The following B4GALNT2 variants were observed in gnomAD, a reference collection of about 807,000 sequenced individuals.
The protein encoded by B4GALNT2 is beta-1,4-N-acetyl-galactosaminyltransferase 2 (SID blood group), also known as N-acetylneuraminylgalactosylglucosyl-glucoside beta-1,4-N- acetylgalactosaminyltransferase 2.
Under a neutral mutation model 51.1 loss-of-function variants are expected in B4GALNT2, and 42 were observed. That is an observed-to-expected ratio of 0.82 (90% CI 0.64 to 1.06). The LOEUF is 1.06. Among genes scored for constraint, B4GALNT2 ranks in the 50% least tolerant of loss-of-function variants. The pLI is 0.00. For missense variants in B4GALNT2, 602 were observed against 633.6 expected (o/e 0.95, Z 0.54); for synonymous variants, 253 against 251.7 (o/e 1.01, Z -0.05).
rs945300715 is a variant in B4GALNT2 at position 49,146,601 on chromosome 17, A to G, written c.353+4429A>G. On this transcript the variant is annotated intron_variant, in intron 3 of 10. Transcript: ENST00000393354. Reference sequence around the variant, plus strand: ...GCTGGGATTACAGGCGTGAGCCACCATGCCTGGCCCAACACTGTCTTTTCT... The same window carrying G: ...GCTGGGATTACAGGCGTGAGCCACCGTGCCTGGCCCAACACTGTCTTTTCT... Among the ~76,000 whole-genome samples the G allele has an allele frequency of 8.5e-5, 13 of 152,268 alleles. No individual in the cohort carries two copies. In the South Asian group the frequency reaches 2.1e-3, roughly 24 times the overall value.
At chr17:49,131,984 A>T (rs4622554), upstream of B4GALNT2, among the ~76,000 whole-genome samples, 54,017 of 151,626 alleles carry the variant, frequency 0.36, 9,794 homozygotes, top group African/African-American at 0.44. Flanking sequence ...TATTATTATT[A>T]TTTTTTAATT....
chr17:49,164,311 C>T (rs1300106071), intron 8 of B4GALNT2, 36 bp downstream of exon 8: 14 of 1,574,414 alleles, frequency 8.9e-6, no homozygotes, highest in African/African-American at 1.4e-5. Context: ...ACCTGCATTC[C>T]AGGACAAGAG....
chr17:49,146,989 A>C (rs907551776), intron 3 of B4GALNT2, among the ~76,000 whole-genome samples: 3 of 152,216 alleles, frequency 2.0e-5, no homozygotes, highest in Non-Finnish European at 4.4e-5. Context: ...AAATCTCTGG[A>C]GTATATACAG....
Position 49,164,160 on chromosome 17 carries a change from T to G in B4GALNT2, c.839T>G (p.Leu280Arg). The change falls in exon 8 of 11, where the codon CTC (leucine) becomes CGC (arginine). Residue 280 changes from leucine (L) to arginine (R), a missense_variant. Physicochemically the swap from Leu to Arg is moderately radical, Grantham distance 102 (BLOSUM62 -2). Coordinates refer to ENST00000393354, the MANE Select transcript of B4GALNT2 (RefSeq NM_001159387.2). ...FLRPHKLMIM[L>R]RSIREYYPDL... ...CGCCCCCACAAGCTCATGATCATGC[T>G]CCGGAGTATTCGAGAGTATTACCCA... is the stretch of plus-strand genomic sequence containing the variant. The G allele has an allele frequency of 6.2e-7, 1 of 1,613,986 alleles. No individual in the cohort carries two copies. The highest frequency in any genetic ancestry group is 8.5e-7 in the Non-Finnish European group (1 of 1,179,874).
intron 5 of B4GALNT2, among the ~76,000 whole-genome samples, chr17:49,157,664 G>A (rs1351342014): frequency 6.6e-6 from 1 of 152,044 alleles, no homozygotes; most frequent in Non-Finnish European, 1.5e-5. Context: ...GTCTTGCCAT[G>A]TTGCCCAGGC....
rs114143902 is a variant in B4GALNT2, at chr17:49,135,242, G to A, written c.14+2436G>A. Reference sequence around the variant, plus strand: ...ACACACAGAGTATTTCTGAGCTTCGGTTTGTTCCATTCACTTATTTGCTTA... The same window carrying A: ...ACACACAGAGTATTTCTGAGCTTCGATTTGTTCCATTCACTTATTTGCTTA... On this transcript the variant is annotated intron_variant, in intron 1 of 10. Transcript: ENST00000393354. 2.2e-3 allele frequency among the ~76,000 whole-genome samples: 336 copies of A among 152,180 alleles called. 1 individual carries two copies. The highest frequency in any genetic ancestry group is 6.8e-3 in the African/African-American group (284 of 41,542).
intron 3 of B4GALNT2, among the ~76,000 whole-genome samples, chr17:49,146,507 C>T (rs1037895052): frequency 2.6e-5 from 4 of 152,296 alleles, no homozygotes; most frequent in Admixed American, 6.5e-5. Flanking sequence ...GATGGGGTTT[C>T]CCCATGTTGC....
intron 1 of B4GALNT2, 140 bp downstream of exon 1, chr17:49,132,946 T>C (rs1181003803): frequency 2.9e-5 from 40 of 1,393,050 alleles, no homozygotes; most frequent in Non-Finnish European, 3.5e-5. Context: ...GTTGGAGTCT[T>C]AAGTCCAACC....
At chr17:49,138,255 A>T (rs990162367) in intron 1 of B4GALNT2, among the ~76,000 whole-genome samples, 1 of 152,246 alleles carries the variant, frequency 6.6e-6, no homozygotes, top group Non-Finnish European at 1.5e-5. Context: ...TACCAACCAT[A>T]GGCACATCTT....
chr17:49,144,430 T>A (rs576676310), intron 3 of B4GALNT2, among the ~76,000 whole-genome samples: 2 of 152,348 alleles, frequency 1.3e-5, no homozygotes, highest in African/African-American at 4.8e-5. Flanking sequence ...ACACAGGTGA[T>A]GCTGGCATGG....
intron 3 of B4GALNT2, among the ~76,000 whole-genome samples, chr17:49,151,738 CTG>C (rs1242469555): frequency 6.9e-6 from 1 of 145,176 alleles, no homozygotes; most frequent in Non-Finnish European, 1.5e-5. Flanking sequence ...TAGCGAGACT[CTG>C]TCACAAAAAA....
intron 3 of B4GALNT2, chr17:49,148,197 G>C (rs900627510): frequency 1.1e-5 from 2 of 184,636 alleles, no homozygotes; most frequent in Admixed American, 1.3e-4. Flanking sequence ...CTACCCAGGA[G>C]GCTGAGGCAG....
rs2042640874 is a variant in B4GALNT2 at position 49,141,257 on chromosome 17, CT to C, written c.26del (p.Leu9ArgfsTer9). ...TTTGTGTCCCAACAGCTCGAGATTT[CT>C]GTGGCTCCTCAAGATATTGGTCATA... is the stretch of plus-strand genomic sequence containing the variant. Reference protein sequence around the residue: MTSGGSRFLWLLKILVIIL... With the variant: MTSGGSRFXWLLKILVIIL... On this transcript the variant is annotated frameshift_variant, in exon 2 of 11. Coordinates refer to ENST00000393354, the MANE Select transcript of B4GALNT2 (RefSeq NM_001159387.2). LOFTEE classifies it high-confidence loss of function. 1.2e-6 allele frequency: 2 copies of C among 1,613,844 alleles called. No individual in the cohort carries two copies. Among genetic ancestry groups the C allele is most frequent in the East Asian group, 4.5e-5 (2 of 44,882 alleles).
chr17:49,132,752 G>A, upstream of B4GALNT2: 1 of 1,391,766 alleles, frequency 7.2e-7, no homozygotes, highest in Admixed American at 3.7e-5. Context: ...TGGCTGCTAG[G>A]CTCCGTGACA....
At chr17:49,133,403 TATA>T (rs2042559487) in intron 1 of B4GALNT2, among the ~76,000 whole-genome samples, 1 of 152,188 alleles carries the variant, frequency 6.6e-6, no homozygotes, top group Non-Finnish European at 1.5e-5. Context: ...TACGGAGTGA[TATA>T]ATAATTAACG....
intron 1 of B4GALNT2, among the ~76,000 whole-genome samples, chr17:49,137,370 G>A (rs534186466): frequency 1.3e-5 from 2 of 152,276 alleles, no homozygotes; most frequent in Non-Finnish European, 1.5e-5. Flanking sequence ...CGTTATAGTA[G>A]GAGTGGATTC....
chr17:49,159,336 T>C (rs2042841177), intron 6 of B4GALNT2, 119 bp downstream of exon 6: 3 of 1,047,620 alleles, frequency 2.9e-6, no homozygotes, highest in Middle Eastern at 3.2e-4. Flanking sequence ...GTGTGTTTGT[T>C]TGTTTTGTTT....
At chr17:49,165,012 C>G (rs2042898364) in intron 8 of B4GALNT2, among the ~76,000 whole-genome samples, 1 of 152,022 alleles carries the variant, frequency 6.6e-6, no homozygotes, top group African/African-American at 2.4e-5. Flanking sequence ...TGGGGTCTCA[C>G]TGTGTTGGCC....
Position 49,141,345 on chromosome 17 carries a change from G to A in B4GALNT2, c.113G>A (p.Ser38Asn). Residue 38 changes from serine (S) to asparagine (N), a missense_variant, in exon 2 of 11, where the codon AGC (serine) becomes AAC (asparagine). Physicochemically the swap from Ser to Asn is conservative, Grantham distance 46. Coordinates refer to ENST00000393354, the MANE Select transcript of B4GALNT2 (RefSeq NM_001159387.2). ...FGSMFLQAVF[S>N]SPKPELPSPA... ...AGCATGTTCCTTCAAGCAGTGTTCA[G>A]CAGCCCCAAGCCAGAACTCCCAAGT... 1.2e-6 allele frequency: 2 copies of A among 1,614,132 alleles called. No homozygotes were observed. Among genetic ancestry groups the A allele is most frequent in the Non-Finnish European group, 1.7e-6 (2 of 1,180,010 alleles).
Sources: allele counts gnomAD v4.1 joint callset (sites outside exome capture counted in the v4.1 genomes callset), GRCh38; gene constraint gnomAD v4.1.1; transcripts MANE v1.5; gene names NCBI Gene and HGNC (gene_info 2026-07-23, HGNC 2026-07-21).